The following PCGF3 variants were observed in gnomAD, a reference collection of about 807,000 sequenced individuals.
The protein encoded by PCGF3 is polycomb group RING finger protein 3.
PCGF3 carries 7 observed loss-of-function variants against 33.1 expected under a neutral mutation model. The observed-to-expected ratio is 0.21, with a 90% CI of 0.12 to 0.40. PCGF3 has a LOEUF of 0.40. PCGF3 is among the 10% of genes least tolerant of loss of function. The probability of loss-of-function intolerance (pLI) is 1.00; values close to 1 mark genes in which losing one functional copy is unlikely to be tolerated. For missense variants in PCGF3, 211 were observed against 313.3 expected (o/e 0.67, Z 2.46); for synonymous variants, 153 against 121.3 (o/e 1.26, Z -1.72).
chr4:753,410 A>T (rs531725855), intron 8 of PCGF3, among the ~76,000 whole-genome samples: 33 of 151,106 alleles, frequency 2.2e-4, no homozygotes, highest in Admixed American at 1.6e-3. Context: ...ATCCCAGCAT[A>T]TTGGGAGGCC....
intron 1 of PCGF3, among the ~76,000 whole-genome samples, chr4:716,741 G>A (rs1373036974): frequency 7.1e-6 from 1 of 141,788 alleles, no homozygotes; most frequent in Non-Finnish European, 1.5e-5. Flanking sequence ...AGAACTGGGC[G>A]TCGGTGCTGG....
chr4:741,574 T>C (rs931706316), intron 6 of PCGF3, among the ~76,000 whole-genome samples: 9 of 152,074 alleles, frequency 5.9e-5, no homozygotes, highest in African/African-American at 2.2e-4. Flanking sequence ...GCCTGGCTAA[T>C]TTTTTGTATT....
intron 5 of PCGF3, among the ~76,000 whole-genome samples, chr4:737,131 C>T (rs11723180): frequency 1.4e-5 from 2 of 143,998 alleles, no homozygotes; most frequent in Non-Finnish European, 3.0e-5. Flanking sequence ...GCACGGGACG[C>T]GGGGAACCTG....
At chr4:761,133 T>C in intron 8 of PCGF3, 146 bp from the exon 9 acceptor site, 1 of 516,098 alleles carries the variant, frequency 1.9e-6, no homozygotes, top group Non-Finnish European at 3.3e-6. Context: ...ATTCTTTTTC[T>C]GCAGTGTTGA....
intron 8 of PCGF3, among the ~76,000 whole-genome samples, chr4:749,029 C>T (rs1286878295): frequency 6.6e-6 from 1 of 152,150 alleles, no homozygotes; most frequent in East Asian, 1.9e-4. Context: ...AGTTTAATCT[C>T]TGTTTTGCAG....
At chr4:729,467 AGCCACAGTTCAGGTGCTCCAC>A (rs1560202628) in intron 1 of PCGF3, among the ~76,000 whole-genome samples, 1 of 152,198 alleles carries the variant, frequency 6.6e-6, no homozygotes, top group East Asian at 1.9e-4. Context: ...CAGTCCCACA[AGCCACAGTTCAGGTGCTCCAC>A]GCCATGTGTG....
chr4:738,709 AT>A (rs1743951363), intron 6 of PCGF3, among the ~76,000 whole-genome samples: 1 of 125,588 alleles, frequency 8.0e-6, no homozygotes, highest in South Asian at 2.6e-4. Context: ...AAAAAAAAAA[AT>A]TAGTCGGGCG....
intron 4 of PCGF3, 121 bp downstream of exon 4, chr4:733,910 G>A: frequency 1.3e-6 from 2 of 1,577,892 alleles, no homozygotes; most frequent in South Asian, 1.1e-5. Flanking sequence ...GCAGGAACCA[G>A]GACCAGGGGC....
At chr4:750,556 T>G (rs1744466554) in intron 8 of PCGF3, among the ~76,000 whole-genome samples, 1 of 152,236 alleles carries the variant, frequency 6.6e-6, no homozygotes, top group South Asian at 2.1e-4. Context: ...TCTCTGTCTG[T>G]GGCGTGAGGT....
chr4:732,888 AATCAC>A (rs1743662423), intron 3 of PCGF3, among the ~76,000 whole-genome samples: 1 of 152,222 alleles, frequency 6.6e-6, no homozygotes, highest in African/African-American at 2.4e-5. Context: ...CACAGAAGCA[AATCAC>A]CAGGCTCTGC....
At chr4:727,534 T>C (rs572177931) in intron 1 of PCGF3, among the ~76,000 whole-genome samples, 1 of 152,228 alleles carries the variant, frequency 6.6e-6, no homozygotes, top group South Asian at 2.1e-4. Context: ...GCCACTATGC[T>C]TGGCTGAGTT....
exon 11 of PCGF3, chr4:768,060 T>C (rs939172812): frequency 6.5e-6 from 1 of 152,676 alleles, no homozygotes; most frequent in Non-Finnish European, 1.5e-5. Context: ...TCTCATAATA[T>C]ATATTTGTAA....
chr4:753,084 AC>A (rs1744598426), intron 8 of PCGF3, among the ~76,000 whole-genome samples: 1 of 152,188 alleles, frequency 6.6e-6, no homozygotes, highest in South Asian at 2.1e-4. Context: ...TGGCTCACAC[AC>A]CTGAGCTGCC....
exon 11 of PCGF3, chr4:769,793 G>T (rs967042546): frequency 1.3e-5 from 2 of 152,832 alleles, no homozygotes; most frequent in African/African-American, 4.8e-5. Flanking sequence ...CGAAAGCAAT[G>T]TTGGGTTGGG....
At chr4:730,985 C>T in exon 3 of PCGF3, 2 of 398,554 alleles carry the variant, frequency 5.0e-6, no homozygotes, top group Non-Finnish European at 8.9e-6. Flanking sequence ...GGAAAAAGAG[C>T]CAGGGCCGGA....
intron 10 of PCGF3, 136 bp from the exon 11 acceptor site, chr4:765,896 C>G: frequency 2.6e-6 from 2 of 757,570 alleles, no homozygotes; most frequent in South Asian, 1.6e-5. Flanking sequence ...TTGCTCAGAA[C>G]AGAAGGGTCT....
intron 8 of PCGF3, among the ~76,000 whole-genome samples, chr4:758,718 C>T (rs1224024981): frequency 4.6e-5 from 2 of 43,190 alleles, no homozygotes; most frequent in South Asian, 2.7e-3. Flanking sequence ...TTCCGGACTC[C>T]GGGTCTTTCT....
exon 11 of PCGF3, chr4:767,405 T>A (rs1020681565): frequency 6.6e-6 from 1 of 152,190 alleles, no homozygotes; most frequent in African/African-American, 2.4e-5. Context: ...TGAGGTGTTG[T>A]CCTGCAGTTG....
Position 761,681 on chromosome 4 carries a change from G to A in PCGF3, c.600+265G>A, listed in dbSNP as rs1010014766. 6 of 985,254 alleles carry A rather than the reference G, an allele frequency of 6.1e-6. No individual in the cohort carries two copies. The Admixed American group carries it at 1.8e-4, about 30-fold the overall frequency. 61.0% of individuals were successfully genotyped at this position (985,254 alleles called of 1,614,324 possible). On this transcript the variant is annotated intron_variant, in intron 9 of 10. Transcript: ENST00000362003. ...GGATGATGAGACTGTTTTAAAATAG[G>A]ATAAAGGTTTTCCTCAAAACGAGAA...
Sources: gnomAD v4.1 joint callset for allele counts (sites outside exome capture counted in the v4.1 genomes callset) on GRCh38, gnomAD v4.1.1 for gene constraint, MANE v1.5 for transcripts, NCBI Gene and HGNC (gene_info 2026-07-23, HGNC 2026-07-21) for gene names.